Variants in GPR15 observed in about 807,000 individuals in gnomAD.
GPR15 encodes the protein G protein-coupled receptor 15, also known as brother of Bonzo.
GPR15 carries 16 observed loss-of-function variants against 19.3 expected under a neutral mutation model. The observed-to-expected ratio is 0.83, with a 90% CI of 0.56 to 1.26. The LOEUF (loss-of-function observed/expected upper bound fraction) is 1.26, where lower values mean the gene tolerates loss of function less well. Ranked by LOEUF, GPR15 falls within the 50% of genes most tolerant of loss-of-function variation. The pLI, the probability that GPR15 is intolerant of heterozygous loss-of-function variation, is 0.00. For missense variants in GPR15, 458 were observed against 429.4 expected, an observed-to-expected ratio of 1.07 and a Z score of -0.59; for synonymous variants, 170 against 171.2, an observed-to-expected ratio of 0.99 and a Z score of 0.05.
Position 98,532,885 on chromosome 3 carries a change from G to GGAGGT in GPR15, c.856_860dup (p.Ser287ArgfsTer2). The stretch of plus-strand genomic sequence containing the variant: ...CCTCAGCTATTCTTCAGCTTGGTAT[G>GGAGGT]GAGGTGAGTGGACCCTTGGCATTTG... On this transcript the variant is annotated frameshift_variant, in exon 1 of 1. Coordinates refer to ENST00000284311, the MANE Select transcript of GPR15 (RefSeq NM_005290.4). LOFTEE classifies it high-confidence loss of function. The GGAGGT allele has an allele frequency of 6.2e-7, 1 of 1,614,140 alleles. No individual in the cohort carries two copies. Among genetic ancestry groups the GGAGGT allele is most frequent in the East Asian group, 2.2e-5 (1 of 44,868 alleles).
At position 98,532,674 on chromosome 3, in the gene GPR15, G is replaced by C; in HGVS notation, c.641G>C (p.Cys214Ser). 6.2e-7 allele frequency: 1 copy of C among 1,614,138 alleles called. No individual in the cohort carries two copies. The highest frequency in any genetic ancestry group is 8.5e-7 in the Non-Finnish European group (1 of 1,180,036). Residue 214 changes from cysteine to serine, a missense_variant, in exon 1 of 1, where the codon TGC becomes TCC. Cys to Ser is a moderately radical substitution (Grantham distance 112, BLOSUM62 -1). Transcript: ENST00000284311. Reference sequence around the variant, plus strand: ...GTCCCTTTGTTGAGCATTGTGACCTGCTACTGTTGCATTGCAAGGAAGCTG... The same window carrying C: ...GTCCCTTTGTTGAGCATTGTGACCTCCTACTGTTGCATTGCAAGGAAGCTG... Reference protein sequence around the residue: ...FFVPLLSIVTCYCCIARKLCA... With the variant: ...FFVPLLSIVTSYCCIARKLCA...
At position 98,533,463 on chromosome 3, in the gene GPR15, C is replaced by A. The variant is rs1346761871; in HGVS notation, c.*347C>A. 2.0e-5 allele frequency among the ~76,000 whole-genome samples: 3 copies of A among 152,296 alleles called. No individual in the cohort carries two copies. The highest frequency in any genetic ancestry group is 3.9e-4 in the East Asian group (2 of 5,190). ...CTTTCCTCTCTCAAAAACCATGGTA[C>A]CTTCATCCCCACCACCCTTCATACT... is the stretch of plus-strand genomic sequence containing the variant. On this transcript the variant is annotated 3_prime_UTR_variant, in exon 1 of 1. Transcript: ENST00000284311.
At position 98,532,462 on chromosome 3, in the gene GPR15, AT is replaced by A. The variant is rs771269696; in HGVS notation, c.431del (p.Phe144SerfsTer9). ...TTGTGTGGCCAGTCGTATCCAGGAAATTCAGAAGGACAGACTGTGCATATGT... is the reference window on the plus strand; with the variant it reads ...TTGTGTGGCCAGTCGTATCCAGGAAATCAGAAGGACAGACTGTGCATATGT... ...AIVWPVVSRK[F>X]RRTDCAYVVC... On this transcript the variant is annotated frameshift_variant, in exon 1 of 1. Transcript: ENST00000284311. LOFTEE classifies it high-confidence loss of function. The A allele has an allele frequency of 1.7e-4, 273 of 1,614,138 alleles. 2 individuals are homozygous for A. The Admixed American group carries it at 4.4e-3, about 26-fold the overall frequency.
Position 98,534,155 on chromosome 3 carries a change from G to A in GPR15, c.*1039G>A, listed in dbSNP as rs1559661123. 1.3e-5 allele frequency among the ~76,000 whole-genome samples: 2 copies of A among 152,040 alleles called. No individual in the cohort carries two copies. Among genetic ancestry groups the A allele is most frequent in the Admixed American group, 6.6e-5 (1 of 15,256 alleles). On this transcript the variant is annotated 3_prime_UTR_variant, in exon 1 of 1. Transcript: ENST00000284311. Reference sequence around the variant, plus strand: ...TTCAAGATAAGATCCAGTAATATAGGGAGACAGGCTGCTCTGTATTCAGCC... The same window carrying A: ...TTCAAGATAAGATCCAGTAATATAGAGAGACAGGCTGCTCTGTATTCAGCC...
Position 98,533,283 on chromosome 3 carries a change from GC to G in GPR15, c.*169del. Reference sequence around the variant, plus strand: ...ATCCCTGTGTTGTGGATATAATTAGGCCATGTGCTGTTTTCTCAGCTAAGCA... The same window carrying G: ...ATCCCTGTGTTGTGGATATAATTAGGCATGTGCTGTTTTCTCAGCTAAGCA... On this transcript the variant is annotated 3_prime_UTR_variant, in exon 1 of 1. Coordinates refer to ENST00000284311, the MANE Select transcript of GPR15 (RefSeq NM_005290.4). The G allele has an allele frequency of 1.3e-6, 1 of 770,186 alleles. No homozygotes were observed. Among genetic ancestry groups the G allele is most frequent in the Non-Finnish European group, 2.0e-6 (1 of 506,212 alleles). The allele number at this position is 770,186 out of a possible 1,614,324, so 47.7% of individuals were successfully genotyped here.
Position 98,533,028 on chromosome 3 carries a change from C to T in GPR15, c.995C>T (p.Thr332Ile), listed in dbSNP as rs765956497. Reference protein sequence around the residue: ...KNYDFGSSTETSDSHLTKALS... With the variant: ...KNYDFGSSTEISDSHLTKALS... ...TATGACTTTGGGAGTAGCACTGAGA[C>T]ATCAGATAGTCACCTCACTAAGGCT... The change falls in exon 1 of 1, where the codon ACA (threonine) becomes ATA (isoleucine). Residue 332 changes from threonine to isoleucine, a missense_variant. Physicochemically the swap from Thr to Ile is moderately conservative, Grantham distance 89. Coordinates refer to ENST00000284311, the MANE Select transcript of GPR15 (RefSeq NM_005290.4). 6.2e-6 allele frequency: 10 copies of T among 1,613,922 alleles called. No homozygotes were observed. Among genetic ancestry groups the T allele is most frequent in the Non-Finnish European group, 8.5e-6 (10 of 1,180,024 alleles).
In GPR15 at chr3:98,534,042, T is replaced by C. The variant is rs1453578203; in HGVS notation, c.*926T>C. Among the ~76,000 whole-genome samples, 1 of 152,206 alleles carries C rather than the reference T, an allele frequency of 6.6e-6. No individual in the cohort carries two copies. Among genetic ancestry groups the C allele is most frequent in the African/African-American group, 2.4e-5 (1 of 41,472 alleles). On this transcript the variant is annotated 3_prime_UTR_variant, in exon 1 of 1. Coordinates refer to ENST00000284311, the MANE Select transcript of GPR15 (RefSeq NM_005290.4). ...TTGGAACTCATAAAATGCTTAGCTG[T>C]ACCCCGATGCAGATTATCATTTTGT...
At position 98,534,573 on chromosome 3, in the gene GPR15, C is replaced by T. The variant is rs1706683468; in HGVS notation, c.*1457C>T. 6.6e-6 allele frequency among the ~76,000 whole-genome samples: 1 copy of T among 152,128 alleles called. No individual in the cohort carries two copies. The highest frequency in any genetic ancestry group is 1.5e-5 in the Non-Finnish European group (1 of 68,002). ...AGAAACCTCAAATATCGGACATCTC[C>T]TTGTAGCCTAATTAGAAGCTGAAAA... On this transcript the variant is annotated 3_prime_UTR_variant, in exon 1 of 1. Transcript: ENST00000284311.
rs1217872321 is a variant in GPR15 at position 98,532,951 on chromosome 3, C to T, written c.918C>T (p.Asp306=). The change falls in exon 1 of 1, where the codon GAC becomes GAT. Residue 306 remains aspartate (D), a synonymous_variant. Coordinates refer to ENST00000284311, the MANE Select transcript of GPR15 (RefSeq NM_005290.4). ...CVNPFIYYIF[D]SYIRRAIVHC... The stretch of plus-strand genomic sequence containing the variant: ...ACCCTTTCATTTACTATATCTTCGA[C>T]AGCTACATCCGCCGGGCCATTGTCC... The T allele has an allele frequency of 6.2e-7, 1 of 1,613,972 alleles. No homozygotes were observed. Among genetic ancestry groups the T allele is most frequent in the Non-Finnish European group, 8.5e-7 (1 of 1,180,030 alleles).
At position 98,534,512 on chromosome 3, in the gene GPR15, C is replaced by G. The variant is rs1237938001; in HGVS notation, c.*1396C>G. Among the ~76,000 whole-genome samples, 1 of 152,078 alleles carries G rather than the reference C, an allele frequency of 6.6e-6. No homozygotes were observed. The highest frequency in any genetic ancestry group is 1.5e-5 in the Non-Finnish European group (1 of 68,014). On this transcript the variant is annotated 3_prime_UTR_variant, in exon 1 of 1. Coordinates refer to ENST00000284311, the MANE Select transcript of GPR15 (RefSeq NM_005290.4). Reference sequence around the variant, plus strand: ...ACTTAGAATCCTTTCAAAGACTAGCCAATTTAATTTCATCTCATGTATCTT... The same window carrying G: ...ACTTAGAATCCTTTCAAAGACTAGCGAATTTAATTTCATCTCATGTATCTT...
At position 98,532,290 on chromosome 3, in the gene GPR15, T is replaced by G. The variant is rs756420550; in HGVS notation, c.257T>G (p.Leu86Trp). Residue 86 changes from leucine to tryptophan, a missense_variant, in exon 1 of 1, where the codon TTG becomes TGG. Coordinates refer to ENST00000284311, the MANE Select transcript of GPR15 (RefSeq NM_005290.4). The part of the protein sequence containing the change: ...AASDFIFLVT[L>W]PLWVDKEASL... ...TCTGACTTCATTTTTCTTGTCACAT[T>G]GCCTCTCTGGGTGGATAAAGAAGCA... 1 of 1,614,188 alleles carries G rather than the reference T, an allele frequency of 6.2e-7. No individual in the cohort carries two copies. The highest frequency in any genetic ancestry group is 8.5e-7 in the Non-Finnish European group (1 of 1,180,024).
chr3:98,532,203 C>A lies in GPR15; in HGVS notation c.170C>A (p.Ala57Glu), dbSNP rs1576280913. 1.9e-6 allele frequency: 3 copies of A among 1,613,976 alleles called. No homozygotes were observed. Among genetic ancestry groups the A allele is most frequent in the African/African-American group, 1.3e-5 (1 of 74,914 alleles). The change falls in exon 1 of 1, where the codon GCG (alanine) becomes GAG (glutamate). Residue 57 changes from alanine (A) to glutamate (E), a missense_variant. Ala to Glu is a moderately radical substitution (Grantham distance 107). Coordinates refer to ENST00000284311, the MANE Select transcript of GPR15 (RefSeq NM_005290.4). ...CTGGGGAACCTTGTTCTCATGGGAG[C>A]GTTGCATTTCAAACCCGGCAGCCGA... is the stretch of plus-strand genomic sequence containing the variant. Reference protein sequence around the residue: ...GVLGNLVLMGALHFKPGSRRL... With the variant: ...GVLGNLVLMGELHFKPGSRRL...
Position 98,532,633 on chromosome 3 carries a change from A to C in GPR15, c.600A>C (p.Leu200Phe). Residue 200 changes from leucine to phenylalanine, a missense_variant, in exon 1 of 1, where the codon TTA (leucine) becomes TTC (phenylalanine). Transcript: ENST00000284311. ...PIKLIWSLVA[L>F]IFTFFVPLLS... ...AACTCATATGGTCCCTGGTGGCCTTAATTTTCACCTTTTTTGTCCCTTTGT... is the reference window on the plus strand; with the variant it reads ...AACTCATATGGTCCCTGGTGGCCTTCATTTTCACCTTTTTTGTCCCTTTGT... 1 of 1,614,186 alleles carries C rather than the reference A, an allele frequency of 6.2e-7. No individual in the cohort carries two copies. Among genetic ancestry groups the C allele is most frequent in the Non-Finnish European group, 8.5e-7 (1 of 1,180,032 alleles).
Position 98,532,442 on chromosome 3 carries a change from T to C in GPR15, c.409T>C (p.Trp137Arg). Reference protein sequence around the residue: ...MSVDRYLAIVWPVVSRKFRRT... With the variant: ...MSVDRYLAIVRPVVSRKFRRT... ...TGTTGACCGCTACCTGGCCATTGTGTGGCCAGTCGTATCCAGGAAATTCAG... is the reference window on the plus strand; with the variant it reads ...TGTTGACCGCTACCTGGCCATTGTGCGGCCAGTCGTATCCAGGAAATTCAG... The change falls in exon 1 of 1, where the codon TGG becomes CGG. Residue 137 changes from tryptophan (W) to arginine (R), a missense_variant. Trp to Arg is a moderately radical substitution (Grantham distance 101, BLOSUM62 -3). Transcript: ENST00000284311. 1.2e-6 allele frequency: 2 copies of C among 1,614,190 alleles called. No individual in the cohort carries two copies. Among genetic ancestry groups the C allele is most frequent in the Non-Finnish European group, 1.7e-6 (2 of 1,180,038 alleles).
At position 98,534,302 on chromosome 3, in the gene GPR15, C is replaced by T. The variant is rs185681461; in HGVS notation, c.*1186C>T. ...TATTGAGTCAATTTGTACCTATATT[C>T]CTTTTGAAGACTTTGATGTGAAAAA... is the stretch of plus-strand genomic sequence containing the variant. On this transcript the variant is annotated 3_prime_UTR_variant, in exon 1 of 1. Transcript: ENST00000284311. Among the ~76,000 whole-genome samples the T allele has an allele frequency of 6.6e-6, 1 of 152,236 alleles. No homozygotes were observed. Among genetic ancestry groups the T allele is most frequent in the East Asian group, 1.9e-4 (1 of 5,190 alleles).
chr3:98,532,417 T>C lies in GPR15; in HGVS notation c.384T>C (p.Ser128=), dbSNP rs753998082. The C allele has an allele frequency of 6.2e-7, 1 of 1,613,968 alleles. No homozygotes were observed. Among genetic ancestry groups the C allele is most frequent in the African/African-American group, 1.3e-5 (1 of 74,882 alleles). ...HCSVLLLTCM[S]VDRYLAIVWP... The stretch of plus-strand genomic sequence containing the variant: ...GTGTCCTCCTGCTCACTTGCATGAG[T>C]GTTGACCGCTACCTGGCCATTGTGT... Residue 128 remains serine (S), a synonymous_variant, in exon 1 of 1, where the codon AGT becomes AGC. Coordinates refer to ENST00000284311, the MANE Select transcript of GPR15 (RefSeq NM_005290.4).
chr3:98,533,252 T>A lies in GPR15; in HGVS notation c.*136T>A. 19 of 996,916 alleles carry A rather than the reference T, an allele frequency of 1.9e-5. No individual in the cohort carries two copies. Among genetic ancestry groups the A allele is most frequent in the Non-Finnish European group, 2.7e-5 (19 of 700,318 alleles). 61.8% of individuals were successfully genotyped at this position (996,916 alleles called of 1,614,324 possible). ...AAGAGTTCATTTTTAAAGAGAGGAC[T>A]GAAAAATCCCTGTGTTGTGGATATA... On this transcript the variant is annotated 3_prime_UTR_variant, in exon 1 of 1. Transcript: ENST00000284311.
In GPR15 at chr3:98,532,689, C is replaced by G. The variant is rs1374064138; in HGVS notation, c.656C>G (p.Ala219Gly). The G allele has an allele frequency of 1.9e-6, 3 of 1,614,034 alleles. No homozygotes were observed. Among genetic ancestry groups the G allele is most frequent in the East Asian group, 4.5e-5 (2 of 44,882 alleles). Residue 219 changes from alanine (A) to glycine (G), a missense_variant, in exon 1 of 1, where the codon GCA becomes GGA. Physicochemically the swap from Ala to Gly is moderately conservative, Grantham distance 60 (BLOSUM62 0). Transcript: ENST00000284311. ...ATTGTGACCTGCTACTGTTGCATTG[C>G]AAGGAAGCTGTGTGCCCATTACCAG... ...LSIVTCYCCI[A>G]RKLCAHYQQS...
chr3:98,534,226 A>T lies in GPR15; in HGVS notation c.*1110A>T, dbSNP rs1031568715. 2.0e-5 allele frequency among the ~76,000 whole-genome samples: 3 copies of T among 152,082 alleles called. No individual in the cohort carries two copies. Among genetic ancestry groups the T allele is most frequent in the African/African-American group, 7.2e-5 (3 of 41,408 alleles). On this transcript the variant is annotated 3_prime_UTR_variant, in exon 1 of 1. Coordinates refer to ENST00000284311, the MANE Select transcript of GPR15 (RefSeq NM_005290.4). The stretch of plus-strand genomic sequence containing the variant: ...AAGATCTCACTAGTATTTTATATAT[A>T]TTTTTTCCATACCCAGAAACCTTCT...
Sources: gnomAD v4.1 joint callset for allele counts (sites outside exome capture counted in the v4.1 genomes callset) on GRCh38, gnomAD v4.1.1 for gene constraint, MANE v1.5 for transcripts, NCBI Gene and HGNC (gene_info 2026-07-23, HGNC 2026-07-21) for gene names.